Variants in JAKMIP1 observed in about 807,000 individuals in gnomAD.
JAKMIP1 encodes janus kinase and microtubule interacting protein 1, also known as janus kinase and microtubule-interacting protein 1.
Under a neutral mutation model 113.0 loss-of-function variants are expected in JAKMIP1, and 33 were observed. The ratio of observed to expected loss-of-function variants is 0.29; its 90% confidence interval spans 0.22 to 0.39. JAKMIP1 has a LOEUF of 0.39. JAKMIP1 is among the 10% of genes least tolerant of loss of function. The pLI is 1.00. For missense variants in JAKMIP1, 813 were observed against 1,080.5 expected, an observed-to-expected ratio of 0.75 and a Z score of 3.47; for synonymous variants, 480 against 459.9, an observed-to-expected ratio of 1.04 and a Z score of -0.56.
chr4:6,137,190 C>T lies in JAKMIP1; in HGVS notation c.-147-24193G>A, dbSNP rs11941155. Among the ~76,000 whole-genome samples the T allele has an allele frequency of 0.016, 2,441 of 152,266 alleles. 65 individuals carry two copies. Among genetic ancestry groups the T allele is most frequent in the African/African-American group, 0.053 (2,192 of 41,540 alleles). ...GAGCCTCCCCCATAGGGCTTGGAAT[C>T]GAGCCACATGCAGCTCTGCCTCCTC... On this transcript the variant is annotated intron_variant, in intron 1 of 20. Transcript: ENST00000409021. The surrounding 1 kb of genome is among the most constrained non-coding windows in gnomAD (Gnocchi z 4.5).
chr4:6,101,605 G>T (rs928833457), intron 3 of JAKMIP1, among the ~76,000 whole-genome samples: 2 of 151,974 alleles, frequency 1.3e-5, no homozygotes, highest in Admixed American at 6.6e-5. Flanking sequence ...GTCTGCTGGT[G>T]GCTGGGCGTG....
chr4:6,184,707 C>G lies in JAKMIP1; in HGVS notation c.-148+15546G>C, dbSNP rs1726444201. ...GTCAACTATTTTAGAAACAGCCAAA[C>G]AGAATGCATAACTACAGGATAAGTG... On this transcript the variant is annotated intron_variant, in intron 1 of 20. Transcript: ENST00000409021. This position sits in a 1 kb window ranked among gnomAD's most constrained non-coding sequence, Gnocchi z 4.5. Among the ~76,000 whole-genome samples the G allele has an allele frequency of 6.6e-6, 1 of 152,178 alleles. No homozygotes were observed. Among genetic ancestry groups the G allele is most frequent in the East Asian group, 1.9e-4 (1 of 5,192 alleles).
At chr4:6,046,517 T>C (rs1030826777) in intron 16 of JAKMIP1, among the ~76,000 whole-genome samples, 2 of 151,234 alleles carry the variant, frequency 1.3e-5, no homozygotes, top group Non-Finnish European at 2.9e-5. Context: ...CTCTAGCACG[T>C]AGGGCACAAG....
At chr4:6,104,922 T>C (rs1409915916) in intron 3 of JAKMIP1, among the ~76,000 whole-genome samples, 1 of 152,084 alleles carries the variant, frequency 6.6e-6, no homozygotes, top group Non-Finnish European at 1.5e-5. Context: ...GGACATCCAA[T>C]CCTCAGCCCG....
chr4:6,139,097 C>CAT lies in JAKMIP1; in HGVS notation c.-147-26101_-147-26100insAT, dbSNP rs1719709480. 6.6e-6 allele frequency among the ~76,000 whole-genome samples: 1 copy of CAT among 151,520 alleles called. No homozygotes were observed. Among genetic ancestry groups the CAT allele is most frequent in the Non-Finnish European group, 1.5e-5 (1 of 67,986 alleles). ...ACACACACACACATATACACACACACACACACACCAGCAGGTCAGCCCTGC... is the reference window on the plus strand; with the variant it reads ...ACACACACACACATATACACACACACATACACACACCAGCAGGTCAGCCCTGC... On this transcript the variant is annotated intron_variant, in intron 1 of 20. Transcript: ENST00000409021. This position sits in a 1 kb window ranked among gnomAD's most constrained non-coding sequence, Gnocchi z 5.2.
chr4:6,033,889 A>ATT (rs1713060311), intron 19 of JAKMIP1, among the ~76,000 whole-genome samples: 1 of 152,188 alleles, frequency 6.6e-6, no homozygotes, highest in Non-Finnish European at 1.5e-5. Context: ...CAAAACATCA[A>ATT]TAGTTAACCC....
chr4:6,098,463 G>A (rs529177514), intron 3 of JAKMIP1, among the ~76,000 whole-genome samples: 5 of 149,198 alleles, frequency 3.4e-5, no homozygotes, highest in Non-Finnish European at 5.9e-5. Flanking sequence ...GAGGGAGGAA[G>A]GGCAGGAGGG....
At chr4:6,159,982 C>G (rs575954079) in intron 1 of JAKMIP1, among the ~76,000 whole-genome samples, 2 of 152,268 alleles carry the variant, frequency 1.3e-5, no homozygotes, top group Admixed American at 6.5e-5. Flanking sequence ...ATCAGACACT[C>G]ACGGACGTCA....
chr4:6,098,362 G>A (rs576631105), intron 3 of JAKMIP1, among the ~76,000 whole-genome samples: 1 of 152,090 alleles, frequency 6.6e-6, no homozygotes, highest in African/African-American at 2.4e-5. Flanking sequence ...GAATCCAGGA[G>A]GTGGAGGTTG....
chr4:6,144,696 C>T (rs936412886), intron 1 of JAKMIP1, among the ~76,000 whole-genome samples: 2 of 152,010 alleles, frequency 1.3e-5, no homozygotes, highest in East Asian at 3.8e-4. Flanking sequence ...GATAAAAACA[C>T]TCAGTCAGCT....
chr4:6,030,955 T>C (rs543476923), intron 19 of JAKMIP1, among the ~76,000 whole-genome samples: 2 of 152,284 alleles, frequency 1.3e-5, no homozygotes, highest in Non-Finnish European at 2.9e-5. Context: ...CCGGGGCCCC[T>C]GCTTTGAGAA....
intron 8 of JAKMIP1, among the ~76,000 whole-genome samples, chr4:6,077,180 C>A (rs951940981): frequency 6.6e-6 from 1 of 152,138 alleles, no homozygotes; most frequent in Non-Finnish European, 1.5e-5. Flanking sequence ...AGGATCATTG[C>A]AGATGTAGTT....
rs920938955 is a variant in JAKMIP1 at position 6,050,782 on chromosome 4, A to G, written c.1807-103T>C. 7.8e-6 allele frequency: 7 copies of G among 902,604 alleles called. No homozygotes were observed. The African/African-American group carries it at 1.0e-4, about 13-fold the overall frequency. The allele number at this position is 902,604 out of a possible 1,614,324, so 55.9% of individuals were successfully genotyped here. The stretch of plus-strand genomic sequence containing the variant: ...AAAACCAAGGAATTCCAGTGGGCAC[A>G]GACGTTACTAAAAAGCACGAGTTCG... On this transcript the variant is annotated intron_variant, in intron 13 of 20. Transcript: ENST00000409021. The surrounding 1 kb of genome is among the most constrained non-coding windows in gnomAD (Gnocchi z 7.4).
At chr4:6,198,504 A>G (rs1728085141) in intron 1 of JAKMIP1, among the ~76,000 whole-genome samples, 1 of 152,032 alleles carries the variant, frequency 6.6e-6, no homozygotes, top group Admixed American at 6.5e-5. Context: ...TGAAGGAGGA[A>G]AATGCCAGTC....
At chr4:6,111,682 G>A (rs1451666591) in intron 2 of JAKMIP1, among the ~76,000 whole-genome samples, 3 of 152,196 alleles carry the variant, frequency 2.0e-5, no homozygotes, top group Non-Finnish European at 2.9e-5. Context: ...TAGAAAGCCT[G>A]TGCTCCTCCC....
At chr4:6,165,046 G>A (rs1220930518) in intron 1 of JAKMIP1, among the ~76,000 whole-genome samples, 1 of 152,176 alleles carries the variant, frequency 6.6e-6, no homozygotes, top group Non-Finnish European at 1.5e-5. Flanking sequence ...GTTCTACTGT[G>A]GGCAAAATGC....
chr4:6,039,374 C>A (rs531444074), intron 18 of JAKMIP1, among the ~76,000 whole-genome samples: 1 of 152,314 alleles, frequency 6.6e-6, no homozygotes, highest in Middle Eastern at 3.4e-3. Flanking sequence ...CCCTTTAGCA[C>A]GCTAAGACCC....
At position 6,154,608 on chromosome 4, in the gene JAKMIP1, G is replaced by C. The variant is rs1257292635; in HGVS notation, c.-147-41611C>G. Among the ~76,000 whole-genome samples, 1 of 151,712 alleles carries C rather than the reference G, an allele frequency of 6.6e-6. No individual in the cohort carries two copies. The highest frequency in any genetic ancestry group is 1.5e-5 in the Non-Finnish European group (1 of 67,990). On this transcript the variant is annotated intron_variant, in intron 1 of 20. Coordinates refer to ENST00000409021, the MANE Select transcript of JAKMIP1 (RefSeq NM_001099433.2). This position sits in a 1 kb window ranked among gnomAD's most constrained non-coding sequence, Gnocchi z 4.2. Reference sequence around the variant, plus strand: ...CCAAGAAACTTAGCAAGGCTTCCAAGAGCCCAACACGCACAGCCCACTGCA... The same window carrying C: ...CCAAGAAACTTAGCAAGGCTTCCAACAGCCCAACACGCACAGCCCACTGCA...
At chr4:6,110,935 T>C (rs901102081) in intron 2 of JAKMIP1, among the ~76,000 whole-genome samples, 1 of 151,400 alleles carries the variant, frequency 6.6e-6, no homozygotes, top group African/African-American at 2.4e-5. Flanking sequence ...ACCTGGCCTG[T>C]TGACCTGGCT....
Sources: allele counts gnomAD v4.1 joint callset (sites outside exome capture counted in the v4.1 genomes callset), GRCh38; gene constraint gnomAD v4.1.1; non-coding constraint Gnocchi (gnomAD v3.1); transcripts MANE v1.5; gene names NCBI Gene and HGNC (gene_info 2026-07-23, HGNC 2026-07-21).